ZNF565: variants seen among roughly 807,000 people sequenced by gnomAD.
ZNF565 encodes zinc finger protein 565.
Under a neutral mutation model 39.4 loss-of-function variants are expected in ZNF565, and 27 were observed. The ratio of observed to expected loss-of-function variants is 0.69; its 90% confidence interval spans 0.51 to 0.95. The LOEUF (loss-of-function observed/expected upper bound fraction) is 0.95, where lower values mean the gene tolerates loss of function less well. Among genes scored for constraint, ZNF565 ranks in the 40% least tolerant of loss-of-function variants. ZNF565 has a pLI of 0.00. For synonymous variants in ZNF565, 185 were observed against 216.6 expected (o/e 0.85, Z 1.28); for missense variants, 524 against 621.1 (o/e 0.84, Z 1.66).
chr19:36,217,393 G>C (rs774919283), upstream of ZNF565, among the ~76,000 whole-genome samples: 59 of 152,078 alleles, frequency 3.9e-4, no homozygotes, highest in Middle Eastern at 3.4e-3. Context: ...AGAAAGGAGA[G>C]AGAGAGAAGA....
chr19:36,190,946 C>T (rs550483003), intron 4 of ZNF565, among the ~76,000 whole-genome samples: 5 of 143,974 alleles, frequency 3.5e-5, no homozygotes, highest in East Asian at 4.1e-4. Flanking sequence ...GAGCTGAGAT[C>T]GTGCCACTGC....
intron 1 of ZNF565, among the ~76,000 whole-genome samples, chr19:36,243,940 A>C (rs1003674876): frequency 5.3e-5 from 8 of 151,962 alleles, no homozygotes; most frequent in Non-Finnish European, 1.5e-5. Context: ...GAACTCCAGG[A>C]ATCCACCCTC....
At chr19:36,207,820 A>G (rs550402974) in intron 1 of ZNF565, among the ~76,000 whole-genome samples, 2 of 152,198 alleles carry the variant, frequency 1.3e-5, no homozygotes, top group Admixed American at 1.3e-4. Context: ...TTTTCTCTTC[A>G]TGCATGTGGT....
At chr19:36,243,071 T>TC (rs915775395) in intron 1 of ZNF565, among the ~76,000 whole-genome samples, 35 of 152,144 alleles carry the variant, frequency 2.3e-4, no homozygotes, top group Non-Finnish European at 4.6e-4. Flanking sequence ...TTCGCTCTTG[T>TC]CCCCCAGGCT....
chr19:36,182,626 T>C lies in ZNF565; in HGVS notation c.1340A>G (p.Tyr447Cys), dbSNP rs973428898. 9 of 1,614,148 alleles carry C rather than the reference T, an allele frequency of 5.6e-6. No individual in the cohort carries two copies. The highest frequency in any genetic ancestry group is 3.3e-5 in the Admixed American group (2 of 60,010). Residue 447 changes from tyrosine (Y) to cysteine (C), a missense_variant, in exon 5 of 5, where the codon TAT becomes TGT. Coordinates refer to ENST00000304116, the MANE Select transcript of ZNF565 (RefSeq NM_152477.5). ...GGCCATTCCACACTCCCTGCATTCATAGGGTTTCTCACAAGTGTGAATTCG... is the reference window on the plus strand; with the variant it reads ...GGCCATTCCACACTCCCTGCATTCACAGGGTTTCTCACAAGTGTGAATTCG... The part of the protein sequence containing the change: ...HQRIHTCEKP[Y>C]ECRECGMAFI...
intron 1 of ZNF565, among the ~76,000 whole-genome samples, chr19:36,207,494 T>C (rs563181451): frequency 6.6e-6 from 1 of 151,628 alleles, no homozygotes; most frequent in Non-Finnish European, 1.5e-5. Flanking sequence ...GAGCCAAGAT[T>C]GTGCCACTGA....
rs371870784 is a variant in ZNF565 at position 36,182,876 on chromosome 19, C to G, written c.1090G>C (p.Glu364Gln). Residue 364 changes from glutamate to glutamine, a missense_variant, in exon 5 of 5, where the codon GAG becomes CAG. Physicochemically the swap from Glu to Gln is conservative, Grantham distance 29. Coordinates refer to ENST00000304116, the MANE Select transcript of ZNF565 (RefSeq NM_152477.5). ...AAGGCCTTCCCACATTCCTTACACT[C>G]ATAGGGTTTCTCCCCAGAATGAATT... ...QRIHSGEKPY[E>Q]CKECGKAFRQ... The G allele has an allele frequency of 9.3e-6, 15 of 1,614,002 alleles. No homozygotes were observed. The African/African-American group carries it at 1.9e-4, about 20-fold the overall frequency.
At chr19:36,222,253 A>C (rs1206188152) in intron 1 of ZNF565, among the ~76,000 whole-genome samples, 1 of 152,140 alleles carries the variant, frequency 6.6e-6, no homozygotes, top group African/African-American at 2.4e-5. Flanking sequence ...ATAATCTTTA[A>C]AAGAAATTTT....
At chr19:36,221,078 C>T (rs1470969191) in intron 1 of ZNF565, among the ~76,000 whole-genome samples, 2 of 151,482 alleles carry the variant, frequency 1.3e-5, no homozygotes. Context: ...GTCTCGAACT[C>T]CTGACTTCCT....
chr19:36,236,353 A>T, intron 1 of ZNF565: 1 of 1,461,212 alleles, frequency 6.8e-7, no homozygotes, highest in Non-Finnish European at 9.2e-7. Context: ...AGAGATGTGG[A>T]AATATCTTCA....
At chr19:36,189,230 A>G (rs1480261613) in intron 4 of ZNF565, among the ~76,000 whole-genome samples, 1 of 152,062 alleles carries the variant, frequency 6.6e-6, no homozygotes, top group African/African-American at 2.4e-5. Context: ...CAGAGGTTGC[A>G]GTGAGCCGAG....
chr19:36,244,882 C>A (rs2029882226), intron 1 of ZNF565, among the ~76,000 whole-genome samples: 1 of 147,580 alleles, frequency 6.8e-6, no homozygotes, highest in Non-Finnish European at 1.5e-5. Context: ...TTGTCGAATT[C>A]TACGCCTTAG....
intron 2 of ZNF565, among the ~76,000 whole-genome samples, chr19:36,198,605 A>T (rs1599929905): frequency 6.8e-6 from 1 of 147,392 alleles, no homozygotes; most frequent in African/African-American, 2.5e-5. Flanking sequence ...TTAATTGTAC[A>T]TTTTTTTTTT....
chr19:36,202,924 G>A (rs547599837), intron 1 of ZNF565, among the ~76,000 whole-genome samples: 2 of 152,254 alleles, frequency 1.3e-5, no homozygotes, highest in East Asian at 3.9e-4. Flanking sequence ...CAGGCATCTT[G>A]CTTGCATACC....
chr19:36,203,748 T>C (rs1048843320), intron 1 of ZNF565, among the ~76,000 whole-genome samples: 2 of 150,034 alleles, frequency 1.3e-5, no homozygotes, highest in African/African-American at 2.5e-5. Flanking sequence ...GCTGATTTTT[T>C]GTATTTTTAG....
intron 1 of ZNF565, chr19:36,238,332 C>T (rs778371576): frequency 1.3e-4 from 21 of 166,860 alleles, no homozygotes; most frequent in South Asian, 2.1e-4. Flanking sequence ...GTTTTTGAAA[C>T]GGATTGGAAG....
intron 1 of ZNF565, among the ~76,000 whole-genome samples, chr19:36,221,132 C>T (rs906330754): frequency 2.6e-5 from 4 of 152,112 alleles, no homozygotes; most frequent in African/African-American, 9.7e-5. Flanking sequence ...AGGCATGAGC[C>T]ACTGAGCCCA....
At chr19:36,244,275 G>A (rs1229146990) in intron 1 of ZNF565, among the ~76,000 whole-genome samples, 1 of 152,236 alleles carries the variant, frequency 6.6e-6, no homozygotes, top group Non-Finnish European at 1.5e-5. Context: ...AACTCTGACA[G>A]AAGGCCGGAT....
chr19:36,227,971 G>A (rs534526892), intron 1 of ZNF565, among the ~76,000 whole-genome samples: 1 of 152,184 alleles, frequency 6.6e-6, no homozygotes, highest in East Asian at 1.9e-4. Context: ...GACCAGCCTG[G>A]CCAACATGGT....
Sources: allele counts gnomAD v4.1 joint callset (sites outside exome capture counted in the v4.1 genomes callset), GRCh38; gene constraint gnomAD v4.1.1; transcripts MANE v1.5; gene names NCBI Gene and HGNC (gene_info 2026-07-23, HGNC 2026-07-21).